Variants in MTAP observed in about 807,000 individuals in gnomAD.
The protein encoded by MTAP is methylthioadenosine phosphorylase, also known as S-methyl-5'-thioadenosine phosphorylase.
In MTAP, 33 loss-of-function variants were observed where a neutral mutation model predicts 33.6. The observed-to-expected ratio is 0.98, with a 90% confidence interval of 0.74 to 1.31. The LOEUF (loss-of-function observed/expected upper bound fraction) is 1.31. Ranked by LOEUF, MTAP falls within the 40% of genes most tolerant of loss-of-function variation. The pLI, the probability that MTAP is intolerant of heterozygous loss-of-function variation, is 0.00. For missense variants in MTAP, 367 were observed against 360.0 expected (o/e 1.02, Z -0.16); for synonymous variants, 148 against 125.7 (o/e 1.18, Z -1.19).
intron 4 of MTAP, among the ~76,000 whole-genome samples, chr9:21,827,305 G>C (rs1365088655): frequency 6.6e-6 from 1 of 152,118 alleles, no homozygotes; most frequent in Non-Finnish European, 1.5e-5. Context: ...AGTTATCTCT[G>C]AGCTTACTGT....
At chr9:21,848,123 CTGAGGCAACAG>C (rs1364662544) in intron 5 of MTAP, among the ~76,000 whole-genome samples, 2 of 152,176 alleles carry the variant, frequency 1.3e-5, no homozygotes, top group Non-Finnish European at 2.9e-5. Context: ...CCTGTGCGGC[CTGAGGCAACAG>C]TGATGGCCTC....
chr9:21,816,715 C>T lies in MTAP; in HGVS notation c.122C>T (p.Pro41Leu). The change falls in exon 3 of 8, where the codon CCA becomes CTA. Residue 41 changes from proline to leucine, a missense_variant and splice_region_variant. Pro to Leu is a moderately conservative substitution (Grantham distance 98). Transcript: ENST00000644715. ...ATGTCATTTTTTCATTGCATGCAGC[C>T]ATCTGATGCCTTAATTTTGGGGAAG... is the stretch of plus-strand genomic sequence containing the variant. ...EKYVDTPFGKPSDALILGKIK... is the reference protein window; with the variant it reads ...EKYVDTPFGKLSDALILGKIK... The T allele has an allele frequency of 6.2e-7, 1 of 1,611,182 alleles. No individual in the cohort carries two copies. Among genetic ancestry groups the T allele is most frequent in the Middle Eastern group, 1.7e-4 (1 of 6,046 alleles).
At chr9:21,803,036 A>ACACACACCC (rs1020757334) in intron 1 of MTAP, 2 of 1,038,742 alleles carry the variant, frequency 1.9e-6, no homozygotes, top group African/African-American at 3.7e-5. Flanking sequence ...ACACACACAC[A>ACACACACCC]CCACCTTTTG....
intron 1 of MTAP, among the ~76,000 whole-genome samples, chr9:21,911,222 T>G (rs199839909): frequency 6.6e-6 from 1 of 151,956 alleles, no homozygotes; most frequent in African/African-American, 2.4e-5. Context: ...GACAGATCAA[T>G]GAGACAAAGT....
intron 1 of MTAP, among the ~76,000 whole-genome samples, chr9:21,911,794 G>A (rs1312337250): frequency 6.6e-6 from 1 of 152,074 alleles, no homozygotes; most frequent in Non-Finnish European, 1.5e-5. Flanking sequence ...CAGAACTGAA[G>A]GAGATAGAGA....
intron 5 of MTAP, among the ~76,000 whole-genome samples, chr9:21,841,528 A>C (rs1481554240): frequency 6.6e-6 from 1 of 152,182 alleles, no homozygotes; most frequent in East Asian, 1.9e-4. Flanking sequence ...AGTTTACTTC[A>C]CTTCCCTGCC....
chr9:21,901,465 A>G (rs1425932525), intron 1 of MTAP, among the ~76,000 whole-genome samples: 12 of 152,252 alleles, frequency 7.9e-5, no homozygotes, highest in Admixed American at 7.9e-4. Flanking sequence ...TGACTATCTC[A>G]TAAAGAATCA....
chr9:21,899,965 C>T (rs1428253791), intron 1 of MTAP, among the ~76,000 whole-genome samples: 1 of 152,164 alleles, frequency 6.6e-6, no homozygotes, highest in African/African-American at 2.4e-5. Context: ...GCTGGGATAA[C>T]TGGCTAGCCA....
At chr9:21,881,970 A>T (rs778262959) in intron 1 of MTAP, among the ~76,000 whole-genome samples, 10 of 152,080 alleles carry the variant, frequency 6.6e-5, no homozygotes, top group Non-Finnish European at 1.3e-4. Flanking sequence ...ATGGATGTTC[A>T]TCAAGAGATG....
intron 5 of MTAP, among the ~76,000 whole-genome samples, chr9:21,847,646 A>C (rs752526729): frequency 1.3e-5 from 2 of 152,232 alleles, no homozygotes; most frequent in Admixed American, 6.5e-5. Context: ...ACCAGGGAAC[A>C]TAATGAAGCT....
At chr9:21,940,963 G>C (rs1316189865), downstream of MTAP, 1 of 984,074 alleles carries the variant, frequency 1.0e-6, no homozygotes, top group African/African-American at 1.7e-5. Context: ...TCTTATATTT[G>C]CTTTCAGGTG....
intron 1 of MTAP, chr9:21,813,993 G>A (rs1003416446): frequency 1.3e-5 from 2 of 152,138 alleles, no homozygotes; most frequent in African/African-American, 4.8e-5. Context: ...CTCTTTGTTC[G>A]TTGACATAAA....
At position 21,852,764 on chromosome 9, in the gene MTAP, C is replaced by T. The variant is rs1225674097; in HGVS notation, c.451-1867C>T. ...TCCCTTGGGAAGGGACAGTGGTTTT[C>T]CTTGTACTATTTAAGTTTTGTACCA... On this transcript the variant is annotated intron_variant, in intron 5 of 7. Coordinates refer to ENST00000644715, the MANE Select transcript of MTAP (RefSeq NM_002451.4). 2.0e-5 allele frequency among the ~76,000 whole-genome samples: 3 copies of T among 150,506 alleles called. 1 individual carries two copies. The highest frequency in any genetic ancestry group is 4.4e-5 in the Non-Finnish European group (3 of 67,798).
chr9:21,859,014 G>A, intron 6 of MTAP: 1 of 234,510 alleles, frequency 4.3e-6, no homozygotes, highest in Non-Finnish European at 8.2e-6. Context: ...CTGGTAGACA[G>A]CCATCTTCTC....
At chr9:21,907,587 G>A (rs575642147) in intron 1 of MTAP, among the ~76,000 whole-genome samples, 1 of 152,176 alleles carries the variant, frequency 6.6e-6, no homozygotes, top group South Asian at 2.1e-4. Flanking sequence ...TTATTTGTAT[G>A]TAATAAACCA....
intron 5 of MTAP, among the ~76,000 whole-genome samples, chr9:21,845,382 G>A (rs1488155276): frequency 6.6e-6 from 1 of 151,942 alleles, no homozygotes; most frequent in Non-Finnish European, 1.5e-5. Context: ...TAGACCAACA[G>A]CAACCAAGCT....
At chr9:21,925,908 A>C (rs1818862045) in intron 1 of MTAP, among the ~76,000 whole-genome samples, 1 of 152,156 alleles carries the variant, frequency 6.6e-6, no homozygotes, top group Non-Finnish European at 1.5e-5. Flanking sequence ...ATGGGGTTAA[A>C]TTGGGTGCCC....
chr9:21,934,882 G>A (rs1421111450), downstream of MTAP: 2 of 151,900 alleles, frequency 1.3e-5, no homozygotes, highest in Admixed American at 6.6e-5. This position sits in a 1 kb window ranked among gnomAD's most constrained non-coding sequence, Gnocchi z 5.0. Flanking sequence ...TGTATTTTTA[G>A]TAGAGATGGT....
chr9:21,873,102 A>G (rs976015339), intron 1 of MTAP, among the ~76,000 whole-genome samples: 1 of 152,210 alleles, frequency 6.6e-6, no homozygotes, highest in Non-Finnish European at 1.5e-5. Context: ...GTTAATCAGG[A>G]TGTAATAAAA....
Sources: allele counts gnomAD v4.1 joint callset (sites outside exome capture counted in the v4.1 genomes callset), GRCh38; gene constraint gnomAD v4.1.1; non-coding constraint Gnocchi (gnomAD v3.1); transcripts MANE v1.5; gene names NCBI Gene and HGNC (gene_info 2026-07-23, HGNC 2026-07-21).